TCL1B: variants seen among roughly 807,000 people sequenced by gnomAD.
The protein encoded by TCL1B is T-cell leukemia/lymphoma protein 1B.
In TCL1B, 14 loss-of-function variants were observed where a neutral mutation model predicts 16.9. The ratio of observed to expected loss-of-function variants is 0.83; its 90% confidence interval spans 0.55 to 1.30. The LOEUF (loss-of-function observed/expected upper bound fraction) is 1.30, where lower values mean the gene tolerates loss of function less well. Ranked by LOEUF, TCL1B falls within the 50% of genes most tolerant of loss-of-function variation. TCL1B has a pLI of 0.00. For synonymous variants in TCL1B, 79 were observed against 66.6 expected, an observed-to-expected ratio of 1.19 and a Z score of -0.91; for missense variants, 166 against 165.2, an observed-to-expected ratio of 1.00 and a Z score of -0.03.
intron 1 of TCL1B, 130 bp from the exon 2 acceptor site, chr14:95,690,606 A>T (rs1435123185): frequency 9.1e-7 from 1 of 1,095,706 alleles, no homozygotes; most frequent in African/African-American, 1.6e-5. Context: ...TACCAGTGCC[A>T]AGGCTCTTGG....
chr14:95,688,578 A>C (rs1190973090), intron 1 of TCL1B, among the ~76,000 whole-genome samples: 5 of 152,188 alleles, frequency 3.3e-5, no homozygotes, highest in Admixed American at 6.5e-5. Context: ...ATATACCCAC[A>C]AGACTCTGAA....
At chr14:95,689,302 A>T (rs1451384557) in intron 1 of TCL1B, 1 of 150,156 alleles carries the variant, frequency 6.7e-6, no homozygotes, top group Admixed American at 6.6e-5. Flanking sequence ...AAACAAAGCA[A>T]AACAAAAAAA....
intron 1 of TCL1B, among the ~76,000 whole-genome samples, chr14:95,690,441 T>C (rs533041458): frequency 6.6e-6 from 1 of 152,178 alleles, no homozygotes; most frequent in Non-Finnish European, 1.5e-5. Flanking sequence ...ATTACGGCAA[T>C]GGCAGAGATG....
Position 95,686,501 on chromosome 14 carries a change from C to T in TCL1B, c.34C>T (p.Pro12Ser). 2 of 1,611,384 alleles carry T rather than the reference C, an allele frequency of 1.2e-6. No homozygotes were observed. The highest frequency in any genetic ancestry group is 1.1e-5 in the South Asian group (1 of 90,724). Residue 12 changes from proline (P) to serine (S), a missense_variant, in exon 1 of 4, where the codon CCC (proline) becomes TCC (serine). Coordinates refer to ENST00000340722, the MANE Select transcript of TCL1B (RefSeq NM_004918.4). Reference protein sequence around the residue: ...ASEASVRLGVPPGRLWIQRPG... With the variant: ...ASEASVRLGVSPGRLWIQRPG... ...CGAAGCTTCTGTGCGTCTAGGGGTG[C>T]CCCCTGGCCGTCTGTGGATCCAGAG...
At position 95,691,345 on chromosome 14, in the gene TCL1B, G is replaced by T. The variant is rs199812784; in HGVS notation, c.*15+9G>T. On this transcript the variant is annotated intron_variant, in intron 3 of 3. Transcript: ENST00000340722. The stretch of plus-strand genomic sequence containing the variant: ...GACACTGGGAGTGGCTGGTATGTTG[G>T]GGCCCTGTGCGTCTCAGTGTAGGGA... 45 of 1,612,562 alleles carry T rather than the reference G, an allele frequency of 2.8e-5. No homozygotes were observed. In the African/African-American group the frequency reaches 5.9e-4, roughly 21 times the overall value.
intron 3 of TCL1B, 162 bp downstream of exon 3, chr14:95,691,498 TG>T: frequency 3.3e-6 from 2 of 610,578 alleles, no homozygotes; most frequent in South Asian, 4.1e-5. Context: ...TTGGATGTGA[TG>T]GTACACAGTG....
intron 1 of TCL1B, among the ~76,000 whole-genome samples, chr14:95,689,089 A>G (rs541566536): frequency 1.1e-4 from 16 of 152,070 alleles, no homozygotes; most frequent in South Asian, 8.3e-4. Context: ...GATCGAGACC[A>G]TCCTGGCTAA....
rs760650681 is a variant in TCL1B, at chr14:95,690,828, C to G, written c.255C>G (p.Pro85=). Reference sequence around the variant, plus strand: ...GCCAGATGCCCTTCTCCCAGCTGCCCGCCGTGTGGCAGCTCTACCCCGGGA... The same window carrying G: ...GCCAGATGCCCTTCTCCCAGCTGCCGGCCGTGTGGCAGCTCTACCCCGGGA... ...SSGQMPFSQL[P]AVWQLYPGRK... The change falls in exon 2 of 4, where the codon CCC becomes CCG. Residue 85 remains proline, a synonymous_variant. Transcript: ENST00000340722. The G allele has an allele frequency of 1.2e-6, 2 of 1,613,978 alleles. No individual in the cohort carries two copies. Among genetic ancestry groups the G allele is most frequent in the Admixed American group, 1.7e-5 (1 of 60,004 alleles).
intron 1 of TCL1B, 77 bp downstream of exon 1, chr14:95,686,706 T>C: frequency 6.8e-7 from 1 of 1,473,936 alleles, no homozygotes; most frequent in Non-Finnish European, 9.0e-7. Flanking sequence ...GCGGTGGGGG[T>C]CAGAGGGGGC....
Position 95,686,451 on chromosome 14 carries a change from C to A in TCL1B, c.-17C>A. 1 of 1,577,008 alleles carries A rather than the reference C, an allele frequency of 6.3e-7. No homozygotes were observed. On this transcript the variant is annotated 5_prime_UTR_variant, in exon 1 of 4. Coordinates refer to ENST00000340722, the MANE Select transcript of TCL1B (RefSeq NM_004918.4). ...ACACGTGTGAGCCTAGAGGCGGGTC[C>A]CGGTTGCAGACTTGCCATGGCCTCC...
intron 2 of TCL1B, 102 bp downstream of exon 2, chr14:95,691,008 T>TC: frequency 7.2e-7 from 1 of 1,390,258 alleles, no homozygotes; most frequent in Non-Finnish European, 9.8e-7. Flanking sequence ...TTCTTGTCTG[T>TC]CCTCTTCCTG....
intron 1 of TCL1B, chr14:95,689,181 G>C (rs1201517757): frequency 6.6e-6 from 1 of 152,196 alleles, no homozygotes; most frequent in Non-Finnish European, 1.5e-5. Flanking sequence ...CAGCTACTCG[G>C]GGGGCTGAGG....
intron 1 of TCL1B, 67 bp from the exon 2 acceptor site, chr14:95,690,669 C>T (rs1405150233): frequency 1.3e-6 from 2 of 1,547,936 alleles, no homozygotes; most frequent in Non-Finnish European, 1.8e-6. Flanking sequence ...CTGGCCATTG[C>T]TTGTGTGCAG....
In TCL1B at chr14:95,691,324, CT is replaced by C; in HGVS notation, c.*4del. The C allele has an allele frequency of 6.2e-7, 1 of 1,613,302 alleles. No individual in the cohort carries two copies. The highest frequency in any genetic ancestry group is 1.3e-5 in the African/African-American group (1 of 74,998). On this transcript the variant is annotated 3_prime_UTR_variant, in exon 3 of 4. Coordinates refer to ENST00000340722, the MANE Select transcript of TCL1B (RefSeq NM_004918.4). ...ATCAGCCGGAGAGGAAAGACTGACA[CT>C]GGGAGTGGCTGGTATGTTGGGGCCC...
chr14:95,689,091 C>T (rs1005452756), intron 1 of TCL1B, among the ~76,000 whole-genome samples: 4 of 152,096 alleles, frequency 2.6e-5, no homozygotes, highest in South Asian at 2.1e-4. Flanking sequence ...TCGAGACCAT[C>T]CTGGCTAACA....
intron 1 of TCL1B, among the ~76,000 whole-genome samples, chr14:95,687,985 C>G (rs949003910): frequency 6.1e-5 from 9 of 148,758 alleles, no homozygotes; most frequent in African/African-American, 2.0e-4. Context: ...TTTAGGTCTT[C>G]GTAAACAATT....
chr14:95,686,431 T>TG lies in TCL1B; in HGVS notation c.-36dup, dbSNP rs1885759149. 6.4e-7 allele frequency: 1 copy of TG among 1,568,764 alleles called. No individual in the cohort carries two copies. Among genetic ancestry groups the TG allele is most frequent in the Non-Finnish European group, 8.6e-7 (1 of 1,159,220 alleles). On this transcript the variant is annotated 5_prime_UTR_variant, in exon 1 of 4. Coordinates refer to ENST00000340722, the MANE Select transcript of TCL1B (RefSeq NM_004918.4). ...GATTGCGCAGCTGGAAAGCTACACG[T>TG]GTGAGCCTAGAGGCGGGTCCCGGTT... is the stretch of plus-strand genomic sequence containing the variant.
At chr14:95,687,781 T>C (rs1885793577) in intron 1 of TCL1B, among the ~76,000 whole-genome samples, 1 of 151,818 alleles carries the variant, frequency 6.6e-6, no homozygotes, top group Non-Finnish European at 1.5e-5. Context: ...GGAAACCCCG[T>C]CTCTACTAAA....
intron 2 of TCL1B, 53 bp from the exon 3 acceptor site, chr14:95,691,215 C>T: frequency 6.3e-7 from 1 of 1,594,868 alleles, no homozygotes; most frequent in Non-Finnish European, 8.6e-7. Flanking sequence ...GCCGTTAAGG[C>T]CAACTGGAAG....
Sources: allele counts gnomAD v4.1 joint callset (sites outside exome capture counted in the v4.1 genomes callset), GRCh38; gene constraint gnomAD v4.1.1; transcripts MANE v1.5; gene names NCBI Gene and HGNC (gene_info 2026-07-23, HGNC 2026-07-21).